TFCP2: variants seen among roughly 807,000 people sequenced by gnomAD.
TFCP2 encodes transcription factor CP2, also known as alpha-globin transcription factor CP2.
A neutral mutation model predicts 73.4 loss-of-function variants in TFCP2; 33 were observed. The observed-to-expected ratio is 0.45, with a 90% CI of 0.34 to 0.60. TFCP2 has a LOEUF of 0.60. TFCP2 is among the 20% of genes least tolerant of loss of function. The probability of loss-of-function intolerance (pLI) is 0.01; values close to 1 mark genes in which losing one functional copy is unlikely to be tolerated. For missense variants in TFCP2, 352 were observed against 604.0 expected, an observed-to-expected ratio of 0.58 and a Z score of 4.37; for synonymous variants, 193 against 211.6, an observed-to-expected ratio of 0.91 and a Z score of 0.76.
rs548366191 is a variant in TFCP2 at position 51,118,801 on chromosome 12, T to C, written c.123-29A>G. ...AAATAAAACAAATGACTCACATTAATACCTGGCAATGGTGCAAACGCAGGT... is the reference window on the plus strand; with the variant it reads ...AAATAAAACAAATGACTCACATTAACACCTGGCAATGGTGCAAACGCAGGT... On this transcript the variant is annotated intron_variant, in intron 1 of 14. Transcript: ENST00000257915. The C allele has an allele frequency of 4.7e-5, 75 of 1,611,692 alleles. No individual in the cohort carries two copies. The Middle Eastern group carries it at 1.2e-3, about 25-fold the overall frequency.
intron 1 of TFCP2, among the ~76,000 whole-genome samples, chr12:51,135,016 GGGAGGATCACTTGAGCCCT>G (rs1306704772): frequency 6.6e-6 from 1 of 150,450 alleles, no homozygotes; most frequent in Non-Finnish European, 1.5e-5. Context: ...AGGCTGAGGT[GGGAGGATCACTTGAGCCCT>G]GGAGGTTGAG....
At chr12:51,160,385 T>C (rs937430870) in intron 1 of TFCP2, among the ~76,000 whole-genome samples, 5 of 152,160 alleles carry the variant, frequency 3.3e-5, no homozygotes, top group Non-Finnish European at 5.9e-5. Flanking sequence ...TCCACCTGCC[T>C]TGGCCTCCCA....
intron 1 of TFCP2, among the ~76,000 whole-genome samples, chr12:51,138,907 G>A (rs1463522629): frequency 1.3e-5 from 2 of 152,006 alleles, no homozygotes; most frequent in Non-Finnish European, 2.9e-5. Context: ...CAAAGTGCTG[G>A]GATTACAGGT....
intron 10 of TFCP2, among the ~76,000 whole-genome samples, chr12:51,102,824 C>A (rs1460754292): frequency 6.6e-6 from 1 of 152,094 alleles, no homozygotes; most frequent in Non-Finnish European, 1.5e-5. Flanking sequence ...TATCAGAACA[C>A]TTATCTACAA....
intron 1 of TFCP2, among the ~76,000 whole-genome samples, chr12:51,141,799 G>A (rs943238284): frequency 6.6e-6 from 1 of 151,474 alleles, no homozygotes; most frequent in East Asian, 1.9e-4. Context: ...ACACCTACTC[G>A]GGAGGCTGAG....
chr12:51,100,816 G>GA (rs966136209), intron 11 of TFCP2, among the ~76,000 whole-genome samples: 3 of 151,968 alleles, frequency 2.0e-5, no homozygotes, highest in African/African-American at 4.8e-5. Context: ...CCTGTCTGAA[G>GA]AAAAAAACCC....
At chr12:51,097,145 G>A (rs1395938333) in intron 13 of TFCP2, among the ~76,000 whole-genome samples, 3 of 151,866 alleles carry the variant, frequency 2.0e-5, no homozygotes, top group Non-Finnish European at 4.4e-5. Flanking sequence ...TATTTTAGTA[G>A]AGACAGGGTT....
intron 11 of TFCP2, among the ~76,000 whole-genome samples, chr12:51,100,767 T>C (rs539671618): frequency 2.6e-5 from 4 of 152,260 alleles, no homozygotes; most frequent in Non-Finnish European, 4.4e-5. Flanking sequence ...TGAGCCATGA[T>C]TGCATTGCTG....
At chr12:51,145,467 G>A (rs1355743953) in intron 1 of TFCP2, among the ~76,000 whole-genome samples, 2 of 149,464 alleles carry the variant, frequency 1.3e-5, no homozygotes. Context: ...TTGGGAGGCT[G>A]AGACAGGAGA....
At chr12:51,108,010 C>A (rs1162177127) in intron 6 of TFCP2, among the ~76,000 whole-genome samples, 2 of 151,672 alleles carry the variant, frequency 1.3e-5, no homozygotes, top group African/African-American at 2.4e-5. Context: ...AAGAGCTGGG[C>A]GCAGTGGCTC....
Position 51,095,156 on chromosome 12 carries a change from C to G in TFCP2, c.*85G>C. On this transcript the variant is annotated 3_prime_UTR_variant, in exon 15 of 15. Coordinates refer to ENST00000257915, the MANE Select transcript of TFCP2 (RefSeq NM_005653.5). ...GACGAGTCAGGTTCTTGCAGACCTT[C>G]AAATCTCCATTCATATCCCCCTTCA... The G allele has an allele frequency of 6.8e-7, 1 of 1,460,358 alleles. No homozygotes were observed. Among genetic ancestry groups the G allele is most frequent in the Non-Finnish European group, 9.6e-7 (1 of 1,040,020 alleles). 90.5% of individuals were successfully genotyped at this position (1,460,358 alleles called of 1,614,324 possible). A position where few individuals can be genotyped will look rare whatever the true frequency, so the allele number is the denominator to read the frequency against.
rs914464235 is a variant in TFCP2, at chr12:51,096,963, AT to A, written c.1420-924del. Among the ~76,000 whole-genome samples, 503 of 145,232 alleles carry A rather than the reference AT, an allele frequency of 3.5e-3. 2 individuals carry two copies. The highest frequency in any genetic ancestry group is 8.3e-3 in the African/African-American group (332 of 39,862). ...ATATACCTGTAATAATTTTTTCTTAATTTTTTTTTTTTTTTCTGAGACAGAG... is the reference window on the plus strand; with the variant it reads ...ATATACCTGTAATAATTTTTTCTTAATTTTTTTTTTTTTTCTGAGACAGAG... On this transcript the variant is annotated intron_variant, in intron 13 of 14. Coordinates refer to ENST00000257915, the MANE Select transcript of TFCP2 (RefSeq NM_005653.5).
At position 51,095,208 on chromosome 12, in the gene TFCP2, A is replaced by C; in HGVS notation, c.*33T>G. Reference sequence around the variant, plus strand: ...GAGGGCCGTTTTCAGAGGTGAAGGAAGGAGCAGCCACTGGGCACGAAACGC... The same window carrying C: ...GAGGGCCGTTTTCAGAGGTGAAGGACGGAGCAGCCACTGGGCACGAAACGC... On this transcript the variant is annotated 3_prime_UTR_variant, in exon 15 of 15. Transcript: ENST00000257915. The C allele has an allele frequency of 6.2e-7, 1 of 1,612,896 alleles. No individual in the cohort carries two copies. The highest frequency in any genetic ancestry group is 8.5e-7 in the Non-Finnish European group (1 of 1,178,862).
chr12:51,166,988 C>T (rs542073369), intron 1 of TFCP2, among the ~76,000 whole-genome samples: 1 of 152,332 alleles, frequency 6.6e-6, no homozygotes, highest in East Asian at 1.9e-4. Flanking sequence ...TCCATTCCCT[C>T]CTCCTCCATA....
At chr12:51,130,618 G>C (rs1297269227) in intron 1 of TFCP2, among the ~76,000 whole-genome samples, 2 of 152,154 alleles carry the variant, frequency 1.3e-5, no homozygotes, top group East Asian at 1.9e-4. Flanking sequence ...ATCTGCTATA[G>C]AAGGCAGAGC....
rs371462022 is a variant in TFCP2, at chr12:51,118,634, C to T, written c.261G>A (p.Thr87=). The T allele has an allele frequency of 9.3e-6, 15 of 1,613,972 alleles. No homozygotes were observed. The highest frequency in any genetic ancestry group is 4.5e-5 in the East Asian group (2 of 44,868). The change falls in exon 2 of 15, where the codon ACG becomes ACA. Residue 87 remains threonine (T), a synonymous_variant. Transcript: ENST00000257915. ...PAVKLHDETL[T]YLNQGQSYEI... Reference sequence around the variant, plus strand: ...GAAGCATCTAACCTTGATTGAGATACGTTAGGGTTTCATCATGGAGTTTCA... The same window carrying T: ...GAAGCATCTAACCTTGATTGAGATATGTTAGGGTTTCATCATGGAGTTTCA...
intron 2 of TFCP2, 84 bp from the exon 3 acceptor site, chr12:51,117,831 T>C: frequency 1.3e-6 from 1 of 789,462 alleles, no homozygotes; most frequent in Non-Finnish European, 2.1e-6. Context: ...GTTGGTTGAA[T>C]ATACAACAGT....
At chr12:51,107,702 G>A (rs1592792923) in intron 6 of TFCP2, among the ~76,000 whole-genome samples, 1 of 151,980 alleles carries the variant, frequency 6.6e-6, no homozygotes, top group East Asian at 2.0e-4. Flanking sequence ...CGCCTCCAGG[G>A]TTCAAATTAT....
At chr12:51,147,393 A>G (rs1180843760) in intron 1 of TFCP2, among the ~76,000 whole-genome samples, 2 of 152,190 alleles carry the variant, frequency 1.3e-5, no homozygotes, top group Non-Finnish European at 2.9e-5. Context: ...GGAAAACTGG[A>G]ACACCAATTT....
Sources: gnomAD v4.1 joint callset for allele counts (sites outside exome capture counted in the v4.1 genomes callset) on GRCh38, gnomAD v4.1.1 for gene constraint, MANE v1.5 for transcripts, NCBI Gene and HGNC (gene_info 2026-07-23, HGNC 2026-07-21) for gene names.